GRK3: variants seen among roughly 807,000 people sequenced by gnomAD.
GRK3 encodes adrenergic, beta, receptor kinase 2.
GRK3 carries 54 observed loss-of-function variants against 95.7 expected under a neutral mutation model. The observed-to-expected ratio is 0.56, with a 90% CI of 0.45 to 0.71. GRK3 has a LOEUF of 0.71. Ranked by LOEUF, GRK3 falls within the 30% of genes least tolerant of loss-of-function variation. GRK3 has a pLI of 0.00. For missense variants in GRK3, 649 were observed against 851.2 expected (o/e 0.76, Z 2.96); for synonymous variants, 281 against 290.8 (o/e 0.97, Z 0.34).
At chr22:25,649,246 C>A in intron 3 of GRK3, 1 of 1,170,238 alleles carries the variant, frequency 8.5e-7, no homozygotes, top group Non-Finnish European at 1.3e-6. Flanking sequence ...TTCAAGTAGC[C>A]TATTTTATAT....
At chr22:25,721,661 T>A (rs1429297647) in intron 20 of GRK3, among the ~76,000 whole-genome samples, 1 of 152,226 alleles carries the variant, frequency 6.6e-6, no homozygotes, top group African/African-American at 2.4e-5. Flanking sequence ...TGGAATTTTA[T>A]TTGTTCTATA....
At chr22:25,610,719 G>A (rs972993510) in intron 2 of GRK3, among the ~76,000 whole-genome samples, 15 of 152,076 alleles carry the variant, frequency 9.9e-5, no homozygotes, top group Non-Finnish European at 1.5e-4. Flanking sequence ...GGAATTATAC[G>A]GTATAAAGTC....
At chr22:25,626,263 C>T (rs1036849789) in intron 2 of GRK3, among the ~76,000 whole-genome samples, 1 of 152,178 alleles carries the variant, frequency 6.6e-6, no homozygotes, top group African/African-American at 2.4e-5. Flanking sequence ...TCTTAGCCCA[C>T]GCACCTGTCT....
chr22:25,718,651 A>T (rs893064740), intron 19 of GRK3, among the ~76,000 whole-genome samples: 4 of 152,236 alleles, frequency 2.6e-5, no homozygotes, highest in African/African-American at 9.6e-5. Context: ...GCTGGAGAGC[A>T]GTTAGACAGA....
At chr22:25,589,848 G>A (rs1460044489) in intron 1 of GRK3, among the ~76,000 whole-genome samples, 1 of 152,188 alleles carries the variant, frequency 6.6e-6, no homozygotes, top group Admixed American at 6.6e-5. Context: ...GGAAGGTGAA[G>A]GAGGAGCAAA....
chr22:25,698,609 G>A (rs2085230289), intron 13 of GRK3, among the ~76,000 whole-genome samples: 1 of 152,180 alleles, frequency 6.6e-6, no homozygotes, highest in African/African-American at 2.4e-5. Context: ...AGTCTCAGAT[G>A]GTTGGGTCAG....
intron 3 of GRK3, chr22:25,648,495 G>A: frequency 2.8e-6 from 4 of 1,438,926 alleles, no homozygotes; most frequent in Non-Finnish European, 3.9e-6. Context: ...AATATGGAAT[G>A]GAACCACAAA....
At chr22:25,688,107 G>A (rs908835111) in intron 11 of GRK3, among the ~76,000 whole-genome samples, 2 of 151,914 alleles carry the variant, frequency 1.3e-5, no homozygotes, top group Non-Finnish European at 2.9e-5. Flanking sequence ...GTGGTGGCAG[G>A]TGCCTGTAGT....
intron 8 of GRK3, among the ~76,000 whole-genome samples, chr22:25,677,350 T>G (rs1374667312): frequency 3.3e-5 from 4 of 121,522 alleles, no homozygotes; most frequent in Non-Finnish European, 6.3e-5. Context: ...GACTCCAGCC[T>G]GGGCAACAGA....
At chr22:25,580,291 T>C (rs990906413) in intron 1 of GRK3, 1 of 152,154 alleles carries the variant, frequency 6.6e-6, no homozygotes, top group African/African-American at 2.4e-5. Context: ...ATTTAAGAGA[T>C]GGCGCTATCA....
intron 1 of GRK3, among the ~76,000 whole-genome samples, chr22:25,591,039 G>A (rs1932472294): frequency 6.6e-6 from 1 of 152,052 alleles, no homozygotes; most frequent in African/African-American, 2.4e-5. Flanking sequence ...GCTAGGTTAA[G>A]GGCTCATTCC....
At position 25,695,513 on chromosome 22, in the gene GRK3, A is replaced by G. The variant is rs2085200356; in HGVS notation, c.1160+299A>G. On this transcript the variant is annotated intron_variant, in intron 13 of 20. Coordinates refer to ENST00000324198, the MANE Select transcript of GRK3 (RefSeq NM_005160.4). ...TTCTTTGATAAGCCACATTGTAGGA[A>G]TAAGTATTGTTTTGAAATGTAGGTA... Among the ~76,000 whole-genome samples, 5 of 152,342 alleles carry G rather than the reference A, an allele frequency of 3.3e-5. No homozygotes were observed. The South Asian group carries it at 1.0e-3, about 32-fold the overall frequency.
At chr22:25,664,966 T>TG (rs1378384525) in intron 5 of GRK3, among the ~76,000 whole-genome samples, 4 of 152,222 alleles carry the variant, frequency 2.6e-5, no homozygotes, top group Non-Finnish European at 5.9e-5. Flanking sequence ...TTTCATAAAA[T>TG]GTAATACCTG....
Position 25,728,225 on chromosome 22 carries a change from ATCT to A in GRK3, c.*5779_*5781del, listed in dbSNP as rs1430499912. On this transcript the variant is annotated 3_prime_UTR_variant, in exon 21 of 21. Transcript: ENST00000324198. ...CATGGACTGTTTTCAACAACAGTTG[ATCT>A]TCTGGTCTGTGCTGAGAGGCGCATG... The A allele has an allele frequency of 6.6e-6, 1 of 152,204 alleles. No homozygotes were observed. Among genetic ancestry groups the A allele is most frequent in the Non-Finnish European group, 1.5e-5 (1 of 68,040 alleles). The allele number at this position is 152,204 out of a possible 1,614,324, so 9.4% of individuals were successfully genotyped here. A position where few individuals can be genotyped will look rare whatever the true frequency, so the allele number is the denominator to read the frequency against.
chr22:25,699,130 G>A (rs2085235299), intron 13 of GRK3, among the ~76,000 whole-genome samples: 1 of 152,148 alleles, frequency 6.6e-6, no homozygotes, highest in African/African-American at 2.4e-5. Flanking sequence ...AGCCCTCACT[G>A]CCTCAGCTGT....
chr22:25,589,218 A>G (rs1349168019), intron 1 of GRK3, among the ~76,000 whole-genome samples: 2 of 152,230 alleles, frequency 1.3e-5, no homozygotes, highest in African/African-American at 4.8e-5. Flanking sequence ...AATAAAACAT[A>G]ATTAAACCTC....
At chr22:25,662,432 C>T (rs2084915405) in intron 4 of GRK3, among the ~76,000 whole-genome samples, 1 of 152,162 alleles carries the variant, frequency 6.6e-6, no homozygotes, top group Non-Finnish European at 1.5e-5. Context: ...TTACATGGGG[C>T]TAGTGGCTTT....
chr22:25,640,853 A>G (rs946312119), intron 2 of GRK3, among the ~76,000 whole-genome samples: 4 of 152,236 alleles, frequency 2.6e-5, no homozygotes, highest in African/African-American at 9.6e-5. Context: ...ACAAATATCT[A>G]CTAAGCAGGT....
chr22:25,712,452 A>G (rs1209661312), intron 17 of GRK3, among the ~76,000 whole-genome samples: 1 of 152,274 alleles, frequency 6.6e-6, no homozygotes, highest in African/African-American at 2.4e-5. Context: ...TGCTGTCACA[A>G]TAGAATTTTT....
Sources: allele counts gnomAD v4.1 joint callset (sites outside exome capture counted in the v4.1 genomes callset), GRCh38; gene constraint gnomAD v4.1.1; transcripts MANE v1.5; gene names NCBI Gene and HGNC (gene_info 2026-07-23, HGNC 2026-07-21).